EVPL: variants seen among roughly 807,000 people sequenced by gnomAD.
The protein encoded by EVPL is 210 kDa cornified envelope precursor protein.
In EVPL, 94 loss-of-function variants were observed where a neutral mutation model predicts 129.7. That is an observed-to-expected ratio of 0.72 (90% CI 0.61 to 0.86). The LOEUF (loss-of-function observed/expected upper bound fraction) is 0.86. Among genes scored for constraint, EVPL ranks in the 40% least tolerant of loss-of-function variants. The probability of loss-of-function intolerance (pLI) is 0.00; values close to 1 mark genes in which losing one functional copy is unlikely to be tolerated. For missense variants in EVPL, 2,625 were observed against 2,721.1 expected (o/e 0.96, Z 0.79); for synonymous variants, 1,172 against 1,191.1 (o/e 0.98, Z 0.33).
rs776783322 is a variant in EVPL, at chr17:76,008,648, G to C, written c.4557C>G (p.Ile1519Met). 3 of 1,612,504 alleles carry C rather than the reference G, an allele frequency of 1.9e-6. No individual in the cohort carries two copies. The highest frequency in any genetic ancestry group is 2.5e-6 in the Non-Finnish European group (3 of 1,180,022). The change falls in exon 22 of 22, where the codon ATC (isoleucine) becomes ATG (methionine). Residue 1519 changes from isoleucine (I) to methionine (M), a missense_variant. By Grantham distance (10) the Ile-to-Met change is conservative. Around this residue, in one of 4 missense-constraint regions of EVPL, gnomAD observed 1,453 missense variants for 1,511.8 expected, o/e 0.96. Coordinates refer to ENST00000301607, the MANE Select transcript of EVPL (RefSeq NM_001988.4). The surrounding 1 kb of genome is among the most constrained non-coding windows in gnomAD (Gnocchi z 7.4). ...TCTGCACCCGGATCACTTCCTTGTA[G>C]ATGGTCTTCTCCTGCGATTTGGCTT... ...LQKAKSQEKT[I>M]YKEVIRVQKD... is the part of the protein sequence containing the mutation.
chr17:76,008,352 T>C lies in EVPL; in HGVS notation c.4853A>G (p.Lys1618Arg). ...GCTCTCCGTCTTCTGGCTGAGCAGC[T>C]TCGACTCCTCCTGCAGCTGCAGTGT... is the stretch of plus-strand genomic sequence containing the variant. ...QQTLQLQEESKLLSQKTESER... is the reference protein window; with the variant it reads ...QQTLQLQEESRLLSQKTESER... Residue 1618 changes from lysine (K) to arginine (R), a missense_variant, in exon 22 of 22, where the codon AAG (lysine) becomes AGG (arginine). Around this residue, in one of 4 missense-constraint regions of EVPL, gnomAD observed 1,453 missense variants for 1,511.8 expected, o/e 0.96. Coordinates refer to ENST00000301607, the MANE Select transcript of EVPL (RefSeq NM_001988.4). The surrounding 1 kb of genome is among the most constrained non-coding windows in gnomAD (Gnocchi z 7.4). 4 of 1,603,494 alleles carry C rather than the reference T, an allele frequency of 2.5e-6. No homozygotes were observed. The East Asian group carries it at 8.9e-5, about 36-fold the overall frequency.
Position 76,017,773 on chromosome 17 carries a change from A to G in EVPL, c.1676T>C (p.Leu559Ser), listed in dbSNP as rs201025581. 37 of 1,612,972 alleles carry G rather than the reference A, an allele frequency of 2.3e-5. No individual in the cohort carries two copies. Among genetic ancestry groups the G allele is most frequent in the Middle Eastern group, 1.7e-4 (1 of 6,060 alleles). The change falls in exon 14 of 22, where the codon TTG becomes TCG. Residue 559 changes from leucine (L) to serine (S), a missense_variant. Coordinates refer to ENST00000301607, the MANE Select transcript of EVPL (RefSeq NM_001988.4). ...GTGGATGCGGCCCTCCAAGTCCTCCAAGGGTGTGGGGCGGCTCAGCGGGGC... is the reference window on the plus strand; with the variant it reads ...GTGGATGCGGCCCTCCAAGTCCTCCGAGGGTGTGGGGCGGCTCAGCGGGGC... Reference protein sequence around the residue: ...ARAPLSRPTPLEDLEGRIHSH... With the variant: ...ARAPLSRPTPSEDLEGRIHSH...
chr17:76,021,120 A>G (rs992723075), intron 9 of EVPL, among the ~76,000 whole-genome samples: 2 of 151,988 alleles, frequency 1.3e-5, no homozygotes, highest in African/African-American at 4.8e-5. Context: ...CAGTGGACCA[A>G]TCTCGGCCCA....
Position 76,009,748 on chromosome 17 carries a change from A to G in EVPL, c.3457T>C (p.Ser1153Pro). 6.2e-7 allele frequency: 1 copy of G among 1,613,578 alleles called. No homozygotes were observed. Among genetic ancestry groups the G allele is most frequent in the Non-Finnish European group, 8.5e-7 (1 of 1,179,976 alleles). The part of the protein sequence containing the change: ...EQDPGLLQES[S>P]RLRSLLEEER... ...TCCTCGAGGAGGCTCCTCAGCCTGG[A>G]GGACTCCTGGAGGAGCCCTGGGTCC... The change falls in exon 22 of 22, where the codon TCC (serine) becomes CCC (proline). Residue 1153 changes from serine to proline, a missense_variant. Coordinates refer to ENST00000301607, the MANE Select transcript of EVPL (RefSeq NM_001988.4). This position sits in a 1 kb window ranked among gnomAD's most constrained non-coding sequence, Gnocchi z 5.9.
chr17:76,008,104 C>G lies in EVPL; in HGVS notation c.5101G>C (p.Glu1701Gln). ...TCGATGATGCCCCTCTTGTAGGCCTCGTATGGGGACATGTCCTTCCCCGTC... is the reference window on the plus strand; with the variant it reads ...TCGATGATGCCCCTCTTGTAGGCCTGGTATGGGGACATGTCCTTCCCCGTC... ...PETGKDMSPY[E>Q]AYKRGIIDRG... Residue 1701 changes from glutamate (E) to glutamine (Q), a missense_variant, in exon 22 of 22, where the codon GAG becomes CAG. Physicochemically the swap from Glu to Gln is conservative, Grantham distance 29. Coordinates refer to ENST00000301607, the MANE Select transcript of EVPL (RefSeq NM_001988.4). This position sits in a 1 kb window ranked among gnomAD's most constrained non-coding sequence, Gnocchi z 7.4. The G allele has an allele frequency of 6.2e-7, 1 of 1,614,118 alleles. No individual in the cohort carries two copies. Among genetic ancestry groups the G allele is most frequent in the Non-Finnish European group, 8.5e-7 (1 of 1,180,014 alleles).
rs1181538341 is a variant in EVPL at position 76,009,314 on chromosome 17, C to T, written c.3891G>A (p.Glu1297=). The T allele has an allele frequency of 1.2e-6, 2 of 1,610,544 alleles. No homozygotes were observed. The highest frequency in any genetic ancestry group is 1.3e-5 in the African/African-American group (1 of 74,936). ...CCCGCTCGCGCCTCCACTCGTCGCGCTCACCCTGCAGGCGGATGAGCTGCT... is the reference window on the plus strand; with the variant it reads ...CCCGCTCGCGCCTCCACTCGTCGCGTTCACCCTGCAGGCGGATGAGCTGCT... ...SQEQLIRLQG[E]RDEWRRERAK... Residue 1297 remains glutamate (E), a synonymous_variant, in exon 22 of 22, where the codon GAG becomes GAA. Coordinates refer to ENST00000301607, the MANE Select transcript of EVPL (RefSeq NM_001988.4). The surrounding 1 kb of genome is among the most constrained non-coding windows in gnomAD (Gnocchi z 5.9).
In EVPL at chr17:76,019,615, C is replaced by T. The variant is rs746537927; in HGVS notation, c.1050G>A (p.Ala350=). ...TGGCATCCAAGTTGGAGTTGAGCTT[C>T]GCCAGGGTCTGGCTGACTGAGTCGG... ...EEADSVSQTL[A]KLNSNLDAKY... is the part of the protein sequence containing the mutation. Residue 350 remains alanine (A), a synonymous_variant, in exon 10 of 22, where the codon GCG becomes GCA. Coordinates refer to ENST00000301607, the MANE Select transcript of EVPL (RefSeq NM_001988.4). 10 of 1,609,980 alleles carry T rather than the reference C, an allele frequency of 6.2e-6. No homozygotes were observed. Among genetic ancestry groups the T allele is most frequent in the Middle Eastern group, 1.7e-4 (1 of 6,042 alleles).
chr17:76,014,849 C>A (rs2066405056), intron 17 of EVPL, 67 bp downstream of exon 17: 1 of 1,466,212 alleles, frequency 6.8e-7, no homozygotes. Flanking sequence ...GATCACACAG[C>A]TTGTAGACAG....
chr17:76,015,019 G>A lies in EVPL; in HGVS notation c.2119C>T (p.Gln707Ter). Reference sequence around the variant, plus strand: ...TGGCAGAACTCCTGGAAGTTGTTCTGCAGGGCAGCGCATGCGTGCTCCGAG... The same window carrying A: ...TGGCAGAACTCCTGGAAGTTGTTCTACAGGGCAGCGCATGCGTGCTCCGAG... The part of the protein sequence containing the change: ...KASEHACAAL[Q>*]NNFQEFCQDL... Residue 707 changes from glutamine (Q) to a stop codon, truncating the protein, a stop_gained, in exon 17 of 22, where the codon CAG (glutamine) becomes TAG (stop). Coordinates refer to ENST00000301607, the MANE Select transcript of EVPL (RefSeq NM_001988.4). LOFTEE classifies it high-confidence loss of function. 1.9e-6 allele frequency: 3 copies of A among 1,595,328 alleles called. No individual in the cohort carries two copies. Among genetic ancestry groups the A allele is most frequent in the Non-Finnish European group, 2.6e-6 (3 of 1,176,446 alleles).
In EVPL at chr17:76,014,974, G is replaced by A. The variant is rs1474080066; in HGVS notation, c.2164C>T (p.Arg722Cys). 3 of 1,597,094 alleles carry A rather than the reference G, an allele frequency of 1.9e-6. No homozygotes were observed. Among genetic ancestry groups the A allele is most frequent in the Non-Finnish European group, 1.7e-6 (2 of 1,175,592 alleles). The change falls in exon 17 of 22, where the codon CGC (arginine) becomes TGC (cysteine). Residue 722 changes from arginine to cysteine, a missense_variant. By Grantham distance (180) the Arg-to-Cys change is radical. This residue lies in a region of EVPL where 1,024 missense variants were observed against 997.5 expected (regional missense o/e 1.03). Coordinates refer to ENST00000301607, the MANE Select transcript of EVPL (RefSeq NM_001988.4). The part of the protein sequence containing the change: ...EFCQDLPRQQ[R>C]QVRALTDRYH... The stretch of plus-strand genomic sequence containing the variant: ...CGGTCGGTGAGGGCTCGCACCTGGC[G>A]CTGCTGGCGAGGCAGGTCTTGGCAG...
chr17:76,024,944 T>C lies in EVPL; in HGVS notation c.99-824A>G, dbSNP rs2066488754. ...GTCCAAGCCTTATGAGCACAGTGCCTTATGGGGGATCATTATGCTGGGGCA... is the reference window on the plus strand; with the variant it reads ...GTCCAAGCCTTATGAGCACAGTGCCCTATGGGGGATCATTATGCTGGGGCA... On this transcript the variant is annotated intron_variant, in intron 1 of 21. Transcript: ENST00000301607. The surrounding 1 kb of genome is among the most constrained non-coding windows in gnomAD (Gnocchi z 4.5). 6.6e-6 allele frequency among the ~76,000 whole-genome samples: 1 copy of C among 152,138 alleles called. No individual in the cohort carries two copies. The highest frequency in any genetic ancestry group is 2.4e-5 in the African/African-American group (1 of 41,438).
chr17:76,008,468 G>A lies in EVPL; in HGVS notation c.4737C>T (p.Ser1579=), dbSNP rs749831530. ...CCTGGTCCCGGGCCCTCTGCAGCTC[G>A]GACTCCTCCCGGGACCAGGTTCTCC... ...TLGRTWSREE[S]ELQRARDQAD... Residue 1579 remains serine, a synonymous_variant, in exon 22 of 22, where the codon TCC becomes TCT. Transcript: ENST00000301607. The surrounding 1 kb of genome is among the most constrained non-coding windows in gnomAD (Gnocchi z 7.4). 20 of 1,596,252 alleles carry A rather than the reference G, an allele frequency of 1.3e-5. No homozygotes were observed. The highest frequency in any genetic ancestry group is 1.4e-5 in the Non-Finnish European group (17 of 1,176,400).
rs2066360904 is a variant in EVPL, at chr17:76,009,841, C to A, written c.3364G>T (p.Asp1122Tyr). Residue 1122 changes from aspartate (D) to tyrosine (Y), a missense_variant, in exon 22 of 22, where the codon GAC becomes TAC. Asp to Tyr is a radical substitution (Grantham distance 160, BLOSUM62 -3). This residue lies in a region of EVPL where 1,453 missense variants were observed against 1,511.8 expected (regional missense o/e 0.96). Coordinates refer to ENST00000301607, the MANE Select transcript of EVPL (RefSeq NM_001988.4). This position sits in a 1 kb window ranked among gnomAD's most constrained non-coding sequence, Gnocchi z 5.9. ...AVAKLQARIE[D>Y]LERAISSVEP... ...ACCGAGCTGATAGCCCGCTCCAGGT[C>A]TTCGATGCGAGCCTGTAGCTTGGCC... is the stretch of plus-strand genomic sequence containing the variant. The A allele has an allele frequency of 6.2e-7, 1 of 1,614,040 alleles. No homozygotes were observed. Among genetic ancestry groups the A allele is most frequent in the Non-Finnish European group, 8.5e-7 (1 of 1,180,012 alleles).
In EVPL at chr17:76,008,190, C is replaced by G. The variant is rs1230280860; in HGVS notation, c.5015G>C (p.Ser1672Thr). 4 of 1,614,088 alleles carry G rather than the reference C, an allele frequency of 2.5e-6. No homozygotes were observed. Among genetic ancestry groups the G allele is most frequent in the Non-Finnish European group, 2.5e-6 (3 of 1,180,026 alleles). ...GGTCTCTCGCGTCTGGGTCTCCTGG[C>G]TGAGCTCCTCCCGGCTCACCTTGGC... ...LHAKVSREEL[S>T]QETQTRETNL... The change falls in exon 22 of 22, where the codon AGC becomes ACC. Residue 1672 changes from serine (S) to threonine (T), a missense_variant. By Grantham distance (58) the Ser-to-Thr change is moderately conservative (BLOSUM62 1). Around this residue, in one of 4 missense-constraint regions of EVPL, gnomAD observed 1,453 missense variants for 1,511.8 expected, o/e 0.96. Coordinates refer to ENST00000301607, the MANE Select transcript of EVPL (RefSeq NM_001988.4). This position sits in a 1 kb window ranked among gnomAD's most constrained non-coding sequence, Gnocchi z 7.4.
chr17:76,007,346 G>T lies in EVPL; in HGVS notation c.5859C>A (p.Ile1953=). The T allele has an allele frequency of 6.3e-7, 1 of 1,578,408 alleles. No homozygotes were observed. The highest frequency in any genetic ancestry group is 8.6e-7 in the Non-Finnish European group (1 of 1,158,014). Residue 1953 remains isoleucine (I), a synonymous_variant, in exon 22 of 22, where the codon ATC becomes ATA. Transcript: ENST00000301607. This position sits in a 1 kb window ranked among gnomAD's most constrained non-coding sequence, Gnocchi z 8.8. ...GLIDPKRTGR[I]PIQQALLSGM... The stretch of plus-strand genomic sequence containing the variant: ...CGGAGAGGAGGGCCTGCTGGATGGG[G>T]ATGCGGCCTGTCCTCTTGGGGTCGA...
intron 2 of EVPL, 147 bp from the exon 3 acceptor site, chr17:76,023,801 G>T: frequency 7.3e-7 from 1 of 1,364,938 alleles, no homozygotes; most frequent in East Asian, 2.5e-5. Context: ...CAGGACCAGG[G>T]CGTCCGTGGG....
intron 12 of EVPL, 61 bp downstream of exon 12, chr17:76,018,385 C>T (rs2066432894): frequency 6.4e-7 from 1 of 1,550,490 alleles, no homozygotes; most frequent in East Asian, 2.3e-5. Flanking sequence ...TGGGCTTGGA[C>T]ACCGCAGGGC....
rs1317985150 is a variant in EVPL, at chr17:76,015,530, G to A, written c.1809C>T (p.Ala603=). 6.2e-7 allele frequency: 1 copy of A among 1,612,748 alleles called. No homozygotes were observed. The highest frequency in any genetic ancestry group is 8.5e-7 in the Non-Finnish European group (1 of 1,180,038). Residue 603 remains alanine (A), a synonymous_variant, in exon 15 of 22, where the codon GCC becomes GCT. Transcript: ENST00000301607. ...TGTTGAGGGCTACGGGCAGCTGCAG[G>A]GCAGCGGGGCCCACGGGCCGCGTGG... ...FLSTRPVGPA[A]LQLPVALNSV...
intron 18 of EVPL, among the ~76,000 whole-genome samples, chr17:76,012,966 G>C (rs11870342): frequency 1.2e-4 from 18 of 150,206 alleles, no homozygotes; most frequent in Non-Finnish European, 2.2e-4. Flanking sequence ...GGATGGTCTC[G>C]ATCTCCTGAC....
Sources: gnomAD v4.1 joint callset for allele counts (sites outside exome capture counted in the v4.1 genomes callset) on GRCh38, gnomAD v4.1.1 for gene constraint, gnomAD v4.1.1 regional missense constraint, Gnocchi (gnomAD v3.1) non-coding constraint, MANE v1.5 for transcripts, NCBI Gene and HGNC (gene_info 2026-07-23, HGNC 2026-07-21) for gene names.